Variants in NOXRED1 observed in about 807,000 individuals in gnomAD.
The protein encoded by NOXRED1 is NADP-dependent oxidoreductase domain-containing protein 1.
Under a neutral mutation model 30.4 loss-of-function variants are expected in NOXRED1, and 20 were observed. The ratio of observed to expected loss-of-function variants is 0.66; its 90% CI spans 0.46 to 0.96. The LOEUF (loss-of-function observed/expected upper bound fraction) is 0.96. Ranked by LOEUF, NOXRED1 falls within the 40% of genes least tolerant of loss-of-function variation. The probability of loss-of-function intolerance (pLI) is 0.00; values close to 1 mark genes in which losing one functional copy is unlikely to be tolerated. For missense variants in NOXRED1, 374 were observed against 428.0 expected, an observed-to-expected ratio of 0.87 and a Z score of 1.11; for synonymous variants, 155 against 168.0, an observed-to-expected ratio of 0.92 and a Z score of 0.60.
intron 5 of NOXRED1, among the ~76,000 whole-genome samples, chr14:77,400,293 TG>T (rs1489373021): frequency 6.6e-6 from 1 of 152,192 alleles, no homozygotes; most frequent in African/African-American, 2.4e-5. Context: ...AAGGAACAAG[TG>T]AAGATAACTT....
chr14:77,405,397 A>C (rs1894430577), intron 5 of NOXRED1, among the ~76,000 whole-genome samples: 1 of 152,166 alleles, frequency 6.6e-6, no homozygotes, highest in Non-Finnish European at 1.5e-5. Flanking sequence ...TGTCTCACAA[A>C]ATAAAATAAA....
Position 77,406,243 on chromosome 14 carries a change from A to T in NOXRED1, c.683-108T>A. 3 of 704,732 alleles carry T rather than the reference A, an allele frequency of 4.3e-6. No homozygotes were observed. In the South Asian group the frequency reaches 5.4e-5, roughly 13 times the overall value. The allele number at this position is 704,732 out of a possible 1,614,324, so 43.7% of individuals were successfully genotyped here. A position where few individuals can be genotyped will look rare whatever the true frequency, so the allele number is the denominator to read the frequency against. On this transcript the variant is annotated intron_variant, in intron 4 of 5. Coordinates refer to ENST00000380835, the MANE Select transcript of NOXRED1 (RefSeq NM_001113475.3). ...AATAGCCGCCTTTTTTCCAAGACAG[A>T]TTGGTAATATGAACCACAAGATAAG...
chr14:77,407,109 A>T (rs1050405842), intron 3 of NOXRED1, among the ~76,000 whole-genome samples: 3 of 152,242 alleles, frequency 2.0e-5, no homozygotes, highest in Admixed American at 2.0e-4. Context: ...AGTGTGCAGA[A>T]ATAATATTTG....
intron 5 of NOXRED1, among the ~76,000 whole-genome samples, chr14:77,403,868 C>A (rs1332059381): frequency 6.6e-6 from 1 of 152,074 alleles, no homozygotes; most frequent in East Asian, 1.9e-4. Context: ...AGTAGCAACT[C>A]TAGAAGCTGA....
chr14:77,420,401 C>T (rs1407754283), intron 1 of NOXRED1, among the ~76,000 whole-genome samples: 1 of 151,424 alleles, frequency 6.6e-6, no homozygotes, highest in Admixed American at 6.6e-5. Context: ...TTTTCAGAGA[C>T]AGGGTCTCAC....
rs995103477 is a variant in NOXRED1 at position 77,405,907 on chromosome 14, C to T, written c.905+6G>A. 15 of 1,581,010 alleles carry T rather than the reference C, an allele frequency of 9.5e-6. No homozygotes were observed. Among genetic ancestry groups the T allele is most frequent in the Non-Finnish European group, 1.3e-5 (15 of 1,150,956 alleles). ...ATGAGAATGGCCAGCTGTCCAATGC[C>T]CTTACCTTTCCTGAGACAAATTCTT... On this transcript the variant is annotated splice_donor_region_variant and intron_variant, in intron 5 of 5. Transcript: ENST00000380835.
chr14:77,418,424 C>T (rs1057346393), intron 1 of NOXRED1, among the ~76,000 whole-genome samples: 11 of 151,846 alleles, frequency 7.2e-5, no homozygotes, highest in East Asian at 1.9e-4. Flanking sequence ...CGTAAGCCAC[C>T]GTGCCAAGCC....
intron 5 of NOXRED1, among the ~76,000 whole-genome samples, chr14:77,402,238 CAAG>C (rs1488090477): frequency 2.0e-5 from 3 of 152,154 alleles, no homozygotes; most frequent in African/African-American, 7.2e-5. Flanking sequence ...AAGACACTGT[CAAG>C]AGAATGAAAA....
At chr14:77,413,866 T>G (rs1894730634) in intron 2 of NOXRED1, 68 bp downstream of exon 2, 1 of 1,139,448 alleles carries the variant, frequency 8.8e-7, no homozygotes, top group Non-Finnish European at 1.2e-6. Context: ...GAGGACCCTT[T>G]CAAAATGGCT....
At chr14:77,405,889 T>C (rs369510637) in intron 5 of NOXRED1, 24 bp downstream of exon 5, 3 of 1,387,216 alleles carry the variant, frequency 2.2e-6, no homozygotes, top group Non-Finnish European at 2.1e-6. Context: ...GAAATGAGAA[T>C]GGCCAGCTGT....
chr14:77,424,160 C>A (rs1199016225), upstream of NOXRED1, among the ~76,000 whole-genome samples: 2 of 152,200 alleles, frequency 1.3e-5, no homozygotes, highest in Admixed American at 1.3e-4. Flanking sequence ...TCTTTAAAAG[C>A]AAAGTCTCAC....
chr14:77,406,785 T>C lies in NOXRED1; in HGVS notation c.621A>G (p.Gly207=), dbSNP rs1894479572. 6.2e-7 allele frequency: 1 copy of C among 1,614,014 alleles called. No individual in the cohort carries two copies. Among genetic ancestry groups the C allele is most frequent in the Non-Finnish European group, 8.5e-7 (1 of 1,179,886 alleles). ...TAGGATCTTGGAGAGCAGCTATGAC[T>C]CCCTTATTGGCCCCCCAGACGCTGA... is the stretch of plus-strand genomic sequence containing the variant. The part of the protein sequence containing the change: ...DSVSVWGANK[G]VIAALQDPTI... The change falls in exon 4 of 6, where the codon GGA becomes GGG. Residue 207 remains glycine (G), a synonymous_variant. Coordinates refer to ENST00000380835, the MANE Select transcript of NOXRED1 (RefSeq NM_001113475.3).
chr14:77,406,572 C>T, intron 4 of NOXRED1, 152 bp downstream of exon 4: 1 of 866,802 alleles, frequency 1.2e-6, no homozygotes. Flanking sequence ...AGTAGCTCTC[C>T]TGCAGTACCT....
In NOXRED1 at chr14:77,423,165, A is replaced by C. The variant is rs1443975396; in HGVS notation, c.-276T>G. On this transcript the variant is annotated 5_prime_UTR_variant, in exon 1 of 6. Coordinates refer to ENST00000380835, the MANE Select transcript of NOXRED1 (RefSeq NM_001113475.3). ...CATGAAAAACCTGTACAGAAACCCAAAGTATTGTTTCTCCACACAGGTTAC... is the reference window on the plus strand; with the variant it reads ...CATGAAAAACCTGTACAGAAACCCACAGTATTGTTTCTCCACACAGGTTAC... 5.7e-6 allele frequency: 2 copies of C among 349,168 alleles called. No individual in the cohort carries two copies. The highest frequency in any genetic ancestry group is 5.2e-5 in the East Asian group (1 of 19,152). The allele number at this position is 349,168 out of a possible 1,614,324, so 21.6% of individuals were successfully genotyped here. A position where few individuals can be genotyped will look rare whatever the true frequency, so the allele number is the denominator to read the frequency against.
chr14:77,396,335 C>T (rs1001756251), intron 5 of NOXRED1, among the ~76,000 whole-genome samples: 83 of 101,358 alleles, frequency 8.2e-4, no homozygotes, highest in African/African-American at 4.1e-3. Context: ...CCACAACCTC[C>T]GCCTCCTGGG....
At chr14:77,416,205 T>A (rs1392591387) in intron 1 of NOXRED1, among the ~76,000 whole-genome samples, 1 of 152,216 alleles carries the variant, frequency 6.6e-6, no homozygotes, top group Non-Finnish European at 1.5e-5. Flanking sequence ...TCTATCTTCA[T>A]GAAAAATGTC....
chr14:77,411,685 C>A (rs1181360610), intron 2 of NOXRED1, among the ~76,000 whole-genome samples: 5 of 152,042 alleles, frequency 3.3e-5, no homozygotes, highest in Non-Finnish European at 7.4e-5. Context: ...AGACAAGTGG[C>A]AACTTTTGGG....
In NOXRED1 at chr14:77,407,511, T is replaced by C. The variant is rs753185743; in HGVS notation, c.484A>G (p.Lys162Glu). The change falls in exon 3 of 6, where the codon AAG (lysine) becomes GAG (glutamate). Residue 162 changes from lysine (K) to glutamate (E), a missense_variant. By Grantham distance (56) the Lys-to-Glu change is moderately conservative (BLOSUM62 1). Transcript: ENST00000380835. ...ICVEIYTSLE[K>E]ASIVYSFVAA... ...ACAAAGCTGTACACAATGCTGGCCT[T>C]CTCAAGGCTGGTGTAAATTTCTACG... The C allele has an allele frequency of 1.9e-6, 3 of 1,614,118 alleles. No homozygotes were observed. In the Admixed American group the frequency reaches 5.0e-5, roughly 27 times the overall value.
chr14:77,421,727 A>G (rs1894997709), intron 1 of NOXRED1, among the ~76,000 whole-genome samples: 1 of 152,258 alleles, frequency 6.6e-6, no homozygotes, highest in Admixed American at 6.5e-5. Flanking sequence ...TTCTGAATAC[A>G]TAAGGTATAC....
Sources: gnomAD v4.1 joint callset for allele counts (sites outside exome capture counted in the v4.1 genomes callset) on GRCh38, gnomAD v4.1.1 for gene constraint, MANE v1.5 for transcripts, NCBI Gene and HGNC (gene_info 2026-07-23, HGNC 2026-07-21) for gene names.